Variants in DUSP16 observed in about 807,000 individuals in gnomAD.
The protein encoded by DUSP16 is dual specificity protein phosphatase 16.
A neutral mutation model predicts 58.3 loss-of-function variants in DUSP16; 21 were observed. The ratio of observed to expected loss-of-function variants is 0.36; its 90% confidence interval spans 0.26 to 0.52. DUSP16 has a LOEUF of 0.52. Ranked by LOEUF, DUSP16 falls within the 20% of genes least tolerant of loss-of-function variation. The pLI, the probability that DUSP16 is intolerant of heterozygous loss-of-function variation, is 0.94. For missense variants in DUSP16, 726 were observed against 819.0 expected (o/e 0.89, Z 1.39); for synonymous variants, 320 against 323.8 (o/e 0.99, Z 0.12).
chr12:12,512,089 C>T (rs930804872), intron 3 of DUSP16, among the ~76,000 whole-genome samples: 13 of 152,304 alleles, frequency 8.5e-5, no homozygotes, highest in Non-Finnish European at 1.6e-4. Context: ...ACTCTCCACA[C>T]TGGCAGATAG....
At chr12:12,500,044 T>G (rs1385201720) in intron 4 of DUSP16, among the ~76,000 whole-genome samples, 5 of 152,128 alleles carry the variant, frequency 3.3e-5, no homozygotes, top group Middle Eastern at 6.8e-3. Context: ...GTTTCAGCCT[T>G]TGTCCTCACC....
At chr12:12,495,236 C>CAAA (rs10555943) in intron 4 of DUSP16, among the ~76,000 whole-genome samples, 19 of 98,922 alleles carry the variant, frequency 1.9e-4, no homozygotes, top group African/African-American at 4.8e-4. Flanking sequence ...AAAGCCATTA[C>CAAA]AAAAAAAAAA....
chr12:12,495,125 C>A (rs1261882663), intron 4 of DUSP16, among the ~76,000 whole-genome samples: 1 of 151,454 alleles, frequency 6.6e-6, no homozygotes, highest in Non-Finnish European at 1.5e-5. Context: ...TAATAAAGTG[C>A]CTGACACATA....
chr12:12,505,603 T>C (rs1943982083), intron 3 of DUSP16, among the ~76,000 whole-genome samples: 1 of 152,170 alleles, frequency 6.6e-6, no homozygotes, highest in African/African-American at 2.4e-5. Flanking sequence ...AATTCTGCAA[T>C]AATCATAAAC....
intron 1 of DUSP16, among the ~76,000 whole-genome samples, chr12:12,525,899 G>C (rs1456159857): frequency 6.6e-6 from 1 of 152,098 alleles, no homozygotes; most frequent in Non-Finnish European, 1.5e-5. Flanking sequence ...TAGTTAGAGA[G>C]TACCCTCTAT....
rs1163618487 is a variant in DUSP16, at chr12:12,477,119, G to A, written c.1712C>T (p.Ala571Val). The part of the protein sequence containing the change: ...TESSHFYSAS[A>V]IYGGSASYSA... ...GTAACTGGCACTGCCTCCGTAGATG[G>A]CTGAGGCAGAGTAGAAGTGTGAGGA... Residue 571 changes from alanine (A) to valine (V), a missense_variant, in exon 7 of 7, where the codon GCC (alanine) becomes GTC (valine). Physicochemically the swap from Ala to Val is moderately conservative, Grantham distance 64. Coordinates refer to ENST00000298573, the MANE Select transcript of DUSP16 (RefSeq NM_030640.3). The surrounding 1 kb of genome is among the most constrained non-coding windows in gnomAD (Gnocchi z 4.1). The A allele has an allele frequency of 6.2e-7, 1 of 1,614,244 alleles. No individual in the cohort carries two copies. The highest frequency in any genetic ancestry group is 1.1e-5 in the South Asian group (1 of 91,090).
chr12:12,479,389 C>A (rs895073916), intron 6 of DUSP16, among the ~76,000 whole-genome samples: 3 of 152,114 alleles, frequency 2.0e-5, no homozygotes, highest in Admixed American at 1.3e-4. Context: ...GACTTCATAA[C>A]GTGATAGAAG....
At chr12:12,547,531 TAAAAAAAAAAAAAA>T (rs761142479) in intron 1 of DUSP16, among the ~76,000 whole-genome samples, 3 of 66,656 alleles carry the variant, frequency 4.5e-5, no homozygotes, top group African/African-American at 4.9e-5. Context: ...TGAGTAGGCT[TAAAAAAAAAAAAAA>T]AAAAAAAAAA....
intron 3 of DUSP16, among the ~76,000 whole-genome samples, chr12:12,501,860 G>A (rs1176580752): frequency 2.0e-5 from 3 of 151,854 alleles, no homozygotes; most frequent in Non-Finnish European, 4.4e-5. Flanking sequence ...CATGGTGGTG[G>A]GTGCCTGTAA....
intron 1 of DUSP16, among the ~76,000 whole-genome samples, chr12:12,542,337 C>T (rs1411261100): frequency 2.1e-5 from 3 of 144,400 alleles, no homozygotes; most frequent in Non-Finnish European, 4.5e-5. Flanking sequence ...CACGCCATTG[C>T]ACTCCAGCCT....
chr12:12,547,657 A>G (rs1380098688), intron 1 of DUSP16, among the ~76,000 whole-genome samples: 1 of 152,002 alleles, frequency 6.6e-6, no homozygotes, highest in East Asian at 1.9e-4. Context: ...AAAAAAACAA[A>G]TATTTAAGCC....
chr12:12,501,932 G>A (rs1336681374), intron 3 of DUSP16, among the ~76,000 whole-genome samples: 1 of 152,302 alleles, frequency 6.6e-6, no homozygotes, highest in African/African-American at 2.4e-5. Flanking sequence ...GGAGGTTGCA[G>A]TGAGCCGAGA....
intron 3 of DUSP16, among the ~76,000 whole-genome samples, chr12:12,512,383 C>T (rs552160595): frequency 1.2e-4 from 19 of 152,174 alleles, no homozygotes; most frequent in Middle Eastern, 3.4e-3. Context: ...GTATATGGTA[C>T]GTTTATTGTC....
In DUSP16 at chr12:12,521,302, T is replaced by C. The variant is rs184031085; in HGVS notation, c.-204A>G. 7.7e-4 allele frequency: 1,091 copies of C among 1,424,934 alleles called. 4 individuals carry two copies. The highest frequency in any genetic ancestry group is 7.9e-4 in the Non-Finnish European group (863 of 1,092,616). The allele number at this position is 1,424,934 out of a possible 1,614,324, so 88.3% of individuals were successfully genotyped here. On this transcript the variant is annotated 5_prime_UTR_variant, in exon 2 of 7. Transcript: ENST00000298573. The stretch of plus-strand genomic sequence containing the variant: ...CTTTCTCTTTCCCGTTGATGTGCTC[T>C]TGCAAAGGACTCCGTCCACAAAGCA...
chr12:12,506,619 C>G (rs1236457943), intron 3 of DUSP16, among the ~76,000 whole-genome samples: 1 of 152,216 alleles, frequency 6.6e-6, no homozygotes, highest in Non-Finnish European at 1.5e-5. Context: ...GTTTCCCTAA[C>G]ATGGACCTGA....
intron 4 of DUSP16, among the ~76,000 whole-genome samples, chr12:12,490,312 T>C (rs987750379): frequency 1.3e-5 from 2 of 152,306 alleles, no homozygotes; most frequent in Non-Finnish European, 2.9e-5. Context: ...GTCTATTGAT[T>C]AAATCTACTA....
At chr12:12,514,884 C>G (rs1442012174) in intron 3 of DUSP16, among the ~76,000 whole-genome samples, 1 of 152,128 alleles carries the variant, frequency 6.6e-6, no homozygotes, top group Non-Finnish European at 1.5e-5. Flanking sequence ...GTCTCAAACT[C>G]CTGAGCTCAA....
At chr12:12,499,275 T>C (rs940902563) in intron 4 of DUSP16, among the ~76,000 whole-genome samples, 2 of 152,196 alleles carry the variant, frequency 1.3e-5, no homozygotes, top group East Asian at 1.9e-4. Flanking sequence ...CATGGGACTT[T>C]AAGAAATTAA....
intron 4 of DUSP16, among the ~76,000 whole-genome samples, chr12:12,497,088 C>T (rs1943837552): frequency 6.6e-6 from 1 of 152,026 alleles, no homozygotes; most frequent in South Asian, 2.1e-4. Flanking sequence ...TTTAAAGACT[C>T]AGTACAAAAA....
Sources: gnomAD v4.1 joint callset for allele counts (sites outside exome capture counted in the v4.1 genomes callset) on GRCh38, gnomAD v4.1.1 for gene constraint, Gnocchi (gnomAD v3.1) non-coding constraint, MANE v1.5 for transcripts, NCBI Gene and HGNC (gene_info 2026-07-23, HGNC 2026-07-21) for gene names.